The following FAM13A variants were observed in gnomAD, a reference collection of about 807,000 sequenced individuals.
FAM13A encodes the protein family with sequence similarity 13 member A.
FAM13A carries 76 observed loss-of-function variants against 129.6 expected under a neutral mutation model. That is an observed-to-expected ratio of 0.59 (90% CI 0.49 to 0.71). The LOEUF (loss-of-function observed/expected upper bound fraction) is 0.71. FAM13A is among the 30% of genes least tolerant of loss of function. The probability of loss-of-function intolerance (pLI) is 0.00; values close to 1 mark genes in which losing one functional copy is unlikely to be tolerated. For synonymous variants in FAM13A, 443 were observed against 449.9 expected (o/e 0.98, Z 0.20); for missense variants, 1,108 against 1,249.3 (o/e 0.89, Z 1.70).
At chr4:88,822,384 A>G (rs1467371413) in intron 7 of FAM13A, among the ~76,000 whole-genome samples, 2 of 152,190 alleles carry the variant, frequency 1.3e-5, no homozygotes, top group Admixed American at 6.5e-5. Context: ...ATAATCACGA[A>G]GGAACAAAAA....
At chr4:89,018,091 T>C (rs1187655874) in intron 3 of FAM13A, among the ~76,000 whole-genome samples, 1 of 152,228 alleles carries the variant, frequency 6.6e-6, no homozygotes, top group Non-Finnish European at 1.5e-5. Flanking sequence ...GGATTTTTCC[T>C]GTTGCATCAC....
chr4:88,793,140 G>T (rs560142773), intron 8 of FAM13A, among the ~76,000 whole-genome samples: 1 of 151,858 alleles, frequency 6.6e-6, no homozygotes, highest in Non-Finnish European at 1.5e-5. Context: ...TCTTATCTTC[G>T]CAACTAAAAT....
chr4:88,886,019 G>A lies in FAM13A; in HGVS notation c.843+20360C>T, dbSNP rs533297956. Among the ~76,000 whole-genome samples the A allele has an allele frequency of 2.8e-4, 41 of 145,428 alleles. No homozygotes were observed. In the South Asian group the frequency reaches 8.5e-3, roughly 30 times the overall value. ...AAGCAAAAAATAAAAAAAAAAAATAGACGTTGGCATGGATGTGGTGAAAAT... is the reference window on the plus strand; with the variant it reads ...AAGCAAAAAATAAAAAAAAAAAATAAACGTTGGCATGGATGTGGTGAAAAT... On this transcript the variant is annotated intron_variant, in intron 6 of 23. Transcript: ENST00000264344.
chr4:88,983,923 T>C (rs969637163), intron 4 of FAM13A, among the ~76,000 whole-genome samples: 1 of 152,138 alleles, frequency 6.6e-6, no homozygotes, highest in African/African-American at 2.4e-5. Context: ...TATAGAATTA[T>C]CAAAATACTA....
chr4:88,744,618 A>G (rs928936967), intron 19 of FAM13A, among the ~76,000 whole-genome samples: 1 of 152,208 alleles, frequency 6.6e-6, no homozygotes, highest in African/African-American at 2.4e-5. Flanking sequence ...GTTTGGAACA[A>G]TAGTTTAACT....
At chr4:88,734,790 A>G (rs1178655832) in intron 21 of FAM13A, among the ~76,000 whole-genome samples, 1 of 152,244 alleles carries the variant, frequency 6.6e-6, no homozygotes, top group Non-Finnish European at 1.5e-5. Context: ...CCCAGCCCCA[A>G]AGGTCAGCAG....
chr4:88,765,153 A>G (rs1019957381), intron 13 of FAM13A, among the ~76,000 whole-genome samples: 6 of 152,178 alleles, frequency 3.9e-5, no homozygotes, highest in African/African-American at 1.4e-4. Context: ...TCTAAAGAGC[A>G]TTTCTGAGGC....
At chr4:88,777,796 TTGCTCCCATC>T (rs1722065237) in intron 11 of FAM13A, among the ~76,000 whole-genome samples, 1 of 152,178 alleles carries the variant, frequency 6.6e-6, no homozygotes, top group African/African-American at 2.4e-5. Context: ...AAAATGGCTC[TTGCTCCCATC>T]TTTCTACCAA....
intron 7 of FAM13A, among the ~76,000 whole-genome samples, chr4:88,826,465 T>C (rs1486167096): frequency 2.0e-5 from 3 of 152,222 alleles, no homozygotes; most frequent in Non-Finnish European, 4.4e-5. Context: ...AAAGAAAATC[T>C]CATAACTTGG....
intron 23 of FAM13A, chr4:88,729,458 C>A (rs1387459370): frequency 6.6e-6 from 1 of 152,106 alleles, no homozygotes; most frequent in African/African-American, 2.4e-5. Context: ...TATTAAAGGG[C>A]AAATATGGGT....
intron 5 of FAM13A, among the ~76,000 whole-genome samples, chr4:88,915,732 A>G (rs1750009741): frequency 6.6e-6 from 1 of 152,202 alleles, no homozygotes; most frequent in Admixed American, 6.5e-5. Flanking sequence ...TTTAAGCCCC[A>G]AAGTGGCAGT....
At chr4:88,848,043 G>A (rs1419371739) in intron 7 of FAM13A, among the ~76,000 whole-genome samples, 2 of 152,074 alleles carry the variant, frequency 1.3e-5, no homozygotes, top group African/African-American at 4.8e-5. Flanking sequence ...TCTTTACAAG[G>A]TAATCTGGCA....
In FAM13A at chr4:88,766,913, C is replaced by A. The variant is rs185852959; in HGVS notation, c.1578+640G>T. On this transcript the variant is annotated intron_variant, in intron 13 of 23. Transcript: ENST00000264344. ...GGAAGTATTTGGAGGTAGCAGATTG[C>A]ATACACATACATGAATTAAAAATGA... 1.1e-4 allele frequency among the ~76,000 whole-genome samples: 16 copies of A among 152,284 alleles called. No individual in the cohort carries two copies. The East Asian group carries it at 3.1e-3, about 29-fold the overall frequency.
intron 4 of FAM13A, among the ~76,000 whole-genome samples, chr4:88,978,360 T>A (rs74780376): frequency 6.6e-6 from 1 of 152,206 alleles, no homozygotes; most frequent in Non-Finnish European, 1.5e-5. Context: ...TACACTTTTT[T>A]ATACAAACAG....
chr4:88,921,759 T>C (rs936932133), intron 5 of FAM13A, among the ~76,000 whole-genome samples: 17 of 152,034 alleles, frequency 1.1e-4, no homozygotes, highest in African/African-American at 2.4e-4. Context: ...GACTGGCAAA[T>C]TGGATAAAGA....
At chr4:88,834,615 C>T (rs1403106447) in intron 7 of FAM13A, among the ~76,000 whole-genome samples, 2 of 152,090 alleles carry the variant, frequency 1.3e-5, no homozygotes, top group Non-Finnish European at 2.9e-5. Context: ...GATAATTCCA[C>T]AATAATTCTC....
chr4:88,985,183 G>A (rs1447902542), intron 4 of FAM13A, among the ~76,000 whole-genome samples: 1 of 152,162 alleles, frequency 6.6e-6, no homozygotes, highest in Non-Finnish European at 1.5e-5. Context: ...AAAGAGTCCA[G>A]TCAGAAAAGA....
At chr4:88,939,953 G>A (rs1051151251) in intron 4 of FAM13A, among the ~76,000 whole-genome samples, 7 of 152,132 alleles carry the variant, frequency 4.6e-5, no homozygotes, top group Admixed American at 2.0e-4. Flanking sequence ...AGATAAAAAC[G>A]CAACCCAGTT....
chr4:88,997,514 A>G (rs1208893973), intron 3 of FAM13A, among the ~76,000 whole-genome samples: 1 of 152,126 alleles, frequency 6.6e-6, no homozygotes, highest in East Asian at 1.9e-4. Flanking sequence ...TTCCAGGTTA[A>G]GCAGCAAGCA....
Sources: gnomAD v4.1 joint callset for allele counts (sites outside exome capture counted in the v4.1 genomes callset) on GRCh38, gnomAD v4.1.1 for gene constraint, MANE v1.5 for transcripts, NCBI Gene and HGNC (gene_info 2026-07-23, HGNC 2026-07-21) for gene names.